The following UGT2B11 variants were observed in gnomAD, a reference collection of about 807,000 sequenced individuals.
UGT2B11 encodes UDP-glucuronosyltransferase 2B11.
A neutral mutation model predicts 51.7 loss-of-function variants in UGT2B11; 49 were observed. The observed-to-expected ratio is 0.95, with a 90% CI of 0.75 to 1.20. The LOEUF is 1.20. Ranked by LOEUF, UGT2B11 falls within the 50% of genes most tolerant of loss-of-function variation. The probability of loss-of-function intolerance (pLI) is 0.00; values close to 1 mark genes in which losing one functional copy is unlikely to be tolerated. For synonymous variants in UGT2B11, 273 were observed against 209.0 expected (o/e 1.31, Z -2.64); for missense variants, 810 against 622.1 (o/e 1.30, Z -3.21).
intron 1 of UGT2B11, among the ~76,000 whole-genome samples, chr4:69,213,379 G>GATATATATATATATAAACTATATAGAT (rs1289000068): frequency 6.6e-6 from 1 of 151,624 alleles, no homozygotes; most frequent in Non-Finnish European, 1.5e-5. Context: ...AAACTATATA[G>GATATATATATATATAAACTATATAGAT]ATATAACAAC....
At chr4:69,217,877 C>T (rs191284340), upstream of UGT2B11, among the ~76,000 whole-genome samples, 2 of 152,176 alleles carry the variant, frequency 1.3e-5, no homozygotes, top group Admixed American at 1.3e-4. Flanking sequence ...GGCATTCCTC[C>T]AAGATGGCAG....
chr4:69,215,309 A>G (rs1170464520), upstream of UGT2B11: 1 of 152,108 alleles, frequency 6.6e-6, no homozygotes, highest in East Asian at 1.9e-4. Context: ...GCACTAGGCA[A>G]CCAGTAATCT....
chr4:69,204,112 T>C (rs939209374), intron 5 of UGT2B11, among the ~76,000 whole-genome samples: 3 of 151,402 alleles, frequency 2.0e-5, no homozygotes, highest in Middle Eastern at 3.2e-3. Flanking sequence ...TTTTATTATA[T>C]TATTTCAAGT....
chr4:69,219,669 C>T (rs184873033), upstream of UGT2B11, among the ~76,000 whole-genome samples: 7 of 152,110 alleles, frequency 4.6e-5, no homozygotes, highest in African/African-American at 1.4e-4. Flanking sequence ...GGCAAGAAGA[C>T]TTGTGTAGGG....
chr4:69,214,852 A>G (rs187363575), upstream of UGT2B11: 2 of 1,406,292 alleles, frequency 1.4e-6, no homozygotes, highest in Admixed American at 2.4e-5. Context: ...CATCCTGAGT[A>G]CATGGATGGC....
chr4:69,221,391 G>A, the UGT2B11 span, among the ~76,000 whole-genome samples: 48 of 152,172 alleles, frequency 3.2e-4, no homozygotes, highest in Non-Finnish European at 6.0e-4. Flanking sequence ...CCTTTGATAA[G>A]GAAAAATGGT....
At position 69,200,211 on chromosome 4, in the gene UGT2B11, T is replaced by C. The variant is rs1721595024; in HGVS notation, c.*229A>G. The C allele has an allele frequency of 2.1e-6, 1 of 467,632 alleles. No homozygotes were observed. The highest frequency in any genetic ancestry group is 4.4e-5 in the Admixed American group (1 of 22,638). The allele number at this position is 467,632 out of a possible 1,614,324, so 29.0% of individuals were successfully genotyped here. On this transcript the variant is annotated 3_prime_UTR_variant, in exon 6 of 6. Transcript: ENST00000446444. Reference sequence around the variant, plus strand: ...CAAATGGCTTTATATTATTTTTTAATTTTCCTAGTATTTTCTTCATTGCCA... The same window carrying C: ...CAAATGGCTTTATATTATTTTTTAACTTTCCTAGTATTTTCTTCATTGCCA...
upstream of UGT2B11, chr4:69,215,750 G>T (rs1303527528): frequency 1.3e-5 from 2 of 151,848 alleles, no homozygotes; most frequent in Non-Finnish European, 2.9e-5. Context: ...ATGTATGAGG[G>T]TTTCAATGTC....
upstream of UGT2B11, among the ~76,000 whole-genome samples, chr4:69,219,595 T>C (rs1375330793): frequency 6.6e-6 from 1 of 152,128 alleles, no homozygotes; most frequent in African/African-American, 2.4e-5. Flanking sequence ...ACACATGGCT[T>C]GGGAGGCCTC....
upstream of UGT2B11, chr4:69,214,921 T>C (rs1446418714): frequency 3.5e-6 from 3 of 867,312 alleles, no homozygotes; most frequent in Non-Finnish European, 5.0e-6. Context: ...TATGTTTCTT[T>C]TATGTTTATA....
At chr4:69,202,855 C>G (rs1319385572) in intron 5 of UGT2B11, among the ~76,000 whole-genome samples, 3 of 151,408 alleles carry the variant, frequency 2.0e-5, no homozygotes, top group Non-Finnish European at 4.4e-5. Context: ...GTTATCCTTC[C>G]ATTTTCTTTG....
chr4:69,201,606 C>A, intron 5 of UGT2B11, among the ~76,000 whole-genome samples: 1 of 151,652 alleles, frequency 6.6e-6, no homozygotes, highest in East Asian at 2.0e-4. Context: ...ACGTTTTGAC[C>A]CTTCTCTCCT....
intron 5 of UGT2B11, among the ~76,000 whole-genome samples, chr4:69,203,924 T>G (rs1301802011): frequency 3.3e-5 from 5 of 151,672 alleles, no homozygotes; most frequent in Admixed American, 2.6e-4. Context: ...ATAATGGTGA[T>G]ACTTTAATGA....
At chr4:69,215,432 G>C (rs1399036538), upstream of UGT2B11, 1 of 151,866 alleles carries the variant, frequency 6.6e-6, no homozygotes, top group Non-Finnish European at 1.5e-5. Flanking sequence ...TGTTTTTAAA[G>C]GACCATCCGT....
intron 2 of UGT2B11, among the ~76,000 whole-genome samples, chr4:69,212,213 C>G (rs1408560890): frequency 6.6e-6 from 1 of 151,510 alleles, no homozygotes; most frequent in Non-Finnish European, 1.5e-5. Context: ...GGGACGGAAA[C>G]TGTGTCTATT....
At chr4:69,217,058 G>A (rs1053129388), upstream of UGT2B11, among the ~76,000 whole-genome samples, 2 of 152,046 alleles carry the variant, frequency 1.3e-5, no homozygotes, top group Non-Finnish European at 2.9e-5. Context: ...AAACAGATAT[G>A]TTTTAAGTAC....
chr4:69,211,316 C>T (rs1276493207), intron 2 of UGT2B11, among the ~76,000 whole-genome samples: 2 of 151,462 alleles, frequency 1.3e-5, no homozygotes, highest in African/African-American at 4.8e-5. Flanking sequence ...ATCCTTGTTA[C>T]TTATGGTAGA....
chr4:69,200,813 T>A, intron 5 of UGT2B11, 94 bp from the exon 6 acceptor site: 1 of 1,306,464 alleles, frequency 7.7e-7, no homozygotes, highest in Non-Finnish European at 1.0e-6. Context: ...ATCAAATAAT[T>A]CAAAATAAAT....
chr4:69,218,782 C>T (rs1722337127), upstream of UGT2B11, among the ~76,000 whole-genome samples: 1 of 151,996 alleles, frequency 6.6e-6, no homozygotes, highest in Admixed American at 6.6e-5. Context: ...GAATGCAACA[C>T]CTTTGTTTCA....
Sources: allele counts gnomAD v4.1 joint callset (sites outside exome capture counted in the v4.1 genomes callset), GRCh38; gene constraint gnomAD v4.1.1; transcripts MANE v1.5; gene names NCBI Gene and HGNC (gene_info 2026-07-23, HGNC 2026-07-21).